Variants in KCTD8 observed in about 807,000 individuals in gnomAD.
The protein encoded by KCTD8 is potassium channel tetramerization domain containing 8, also known as BTB/POZ domain-containing protein KCTD8.
A neutral mutation model predicts 31.5 loss-of-function variants in KCTD8; 27 were observed. The observed-to-expected ratio is 0.86, with a 90% CI of 0.63 to 1.18. The LOEUF (loss-of-function observed/expected upper bound fraction) is 1.18, where lower values mean the gene tolerates loss of function less well. KCTD8 is among the 50% of genes most tolerant of loss of function. KCTD8 has a pLI of 0.00. For missense variants in KCTD8, 658 were observed against 647.7 expected (o/e 1.02, Z -0.17); for synonymous variants, 290 against 280.0 (o/e 1.04, Z -0.36).
At chr4:44,324,068 C>CAAAAAAAAAA (rs1193748312) in intron 1 of KCTD8, among the ~76,000 whole-genome samples, 1 of 128,250 alleles carries the variant, frequency 7.8e-6, no homozygotes, top group Admixed American at 7.3e-5. Flanking sequence ...CAAAACAAAA[C>CAAAAAAAAAA]AAAACAAAAA....
At chr4:44,345,965 A>T (rs1354599226) in intron 1 of KCTD8, among the ~76,000 whole-genome samples, 1 of 152,178 alleles carries the variant, frequency 6.6e-6, no homozygotes, top group African/African-American at 2.4e-5. Context: ...AAGAAATACA[A>T]GAAAAATTGA....
chr4:44,346,243 G>C (rs544829626), intron 1 of KCTD8, among the ~76,000 whole-genome samples: 1 of 152,194 alleles, frequency 6.6e-6, no homozygotes, highest in African/African-American at 2.4e-5. Flanking sequence ...AGGATCATAA[G>C]ATCATTCTGC....
chr4:44,217,331 A>G (rs1425578477), intron 1 of KCTD8, among the ~76,000 whole-genome samples: 1 of 152,224 alleles, frequency 6.6e-6, no homozygotes, highest in Non-Finnish European at 1.5e-5. Flanking sequence ...TTGACCCAAA[A>G]TTAAGGGTGG....
chr4:44,355,731 T>G (rs564343425), intron 1 of KCTD8, among the ~76,000 whole-genome samples: 42 of 152,262 alleles, frequency 2.8e-4, no homozygotes, highest in Non-Finnish European at 5.9e-4. Flanking sequence ...TGAAAATTAT[T>G]TGGTCTCTAT....
At chr4:44,187,731 G>A (rs1415304203) in intron 1 of KCTD8, among the ~76,000 whole-genome samples, 2 of 152,168 alleles carry the variant, frequency 1.3e-5, no homozygotes, top group African/African-American at 4.8e-5. Context: ...TTAATGAGAT[G>A]TTGTCTCTAC....
At chr4:44,274,105 C>T in intron 1 of KCTD8, among the ~76,000 whole-genome samples, 1 of 151,690 alleles carries the variant, frequency 6.6e-6, no homozygotes, top group Non-Finnish European at 1.5e-5. Flanking sequence ...GAACATTTGG[C>T]CAAATTTAGA....
intron 1 of KCTD8, among the ~76,000 whole-genome samples, chr4:44,393,964 T>C (rs980937533): frequency 6.6e-5 from 10 of 151,988 alleles, no homozygotes; most frequent in Admixed American, 1.3e-4. Context: ...TTACTTCAAA[T>C]TTGATAATCT....
intron 1 of KCTD8, among the ~76,000 whole-genome samples, chr4:44,431,076 G>T (rs1721491814): frequency 6.6e-6 from 1 of 151,400 alleles, no homozygotes; most frequent in African/African-American, 2.4e-5. Context: ...ACTTACAATA[G>T]CAATAAAAAC....
intron 1 of KCTD8, among the ~76,000 whole-genome samples, chr4:44,190,522 A>C (rs1379581322): frequency 6.6e-6 from 1 of 152,174 alleles, no homozygotes; most frequent in East Asian, 1.9e-4. Flanking sequence ...CTAAAGTACT[A>C]TATTTATAAC....
At chr4:44,441,186 T>C (rs934177493) in intron 1 of KCTD8, among the ~76,000 whole-genome samples, 15 of 152,068 alleles carry the variant, frequency 9.9e-5, no homozygotes, top group African/African-American at 3.6e-4. Context: ...ATTATTCTGA[T>C]CTTTAGGTAA....
At chr4:44,282,709 CT>C (rs768158429) in intron 1 of KCTD8, among the ~76,000 whole-genome samples, 2 of 152,106 alleles carry the variant, frequency 1.3e-5, no homozygotes, top group South Asian at 4.2e-4. Flanking sequence ...GAAAAAGAGC[CT>C]TATTTTTGAT....
At chr4:44,221,379 A>G (rs1228666758) in intron 1 of KCTD8, among the ~76,000 whole-genome samples, 1 of 151,532 alleles carries the variant, frequency 6.6e-6, no homozygotes, top group African/African-American at 2.4e-5. Context: ...GTTTAGGAGC[A>G]TCCAGTGGAC....
intron 1 of KCTD8, among the ~76,000 whole-genome samples, chr4:44,263,457 G>T (rs904112331): frequency 2.0e-5 from 3 of 152,092 alleles, no homozygotes; most frequent in Admixed American, 6.6e-5. Flanking sequence ...GTTTGCTGTT[G>T]CATTAAGCCT....
intron 1 of KCTD8, among the ~76,000 whole-genome samples, chr4:44,305,399 A>C (rs1717771934): frequency 6.6e-6 from 1 of 151,794 alleles, no homozygotes; most frequent in South Asian, 2.1e-4. Context: ...GATATTTTAA[A>C]AGTTTACTAG....
chr4:44,431,919 G>A (rs1721515619), intron 1 of KCTD8, among the ~76,000 whole-genome samples: 1 of 151,502 alleles, frequency 6.6e-6, no homozygotes, highest in South Asian at 2.1e-4. Flanking sequence ...TGTAATCTCT[G>A]GAATATAAGA....
At chr4:44,278,059 G>T (rs1478651801) in intron 1 of KCTD8, among the ~76,000 whole-genome samples, 2 of 152,062 alleles carry the variant, frequency 1.3e-5, no homozygotes, top group South Asian at 4.1e-4. Flanking sequence ...TTAGTCTTGA[G>T]TTCCTGACAC....
chr4:44,331,202 C>T (rs769872231), intron 1 of KCTD8, among the ~76,000 whole-genome samples: 4 of 151,814 alleles, frequency 2.6e-5, no homozygotes, highest in African/African-American at 4.8e-5. Context: ...TTGGCAACAG[C>T]TCTTTGATAA....
chr4:44,280,118 G>T (rs1053986518), intron 1 of KCTD8, among the ~76,000 whole-genome samples: 1 of 151,940 alleles, frequency 6.6e-6, no homozygotes, highest in East Asian at 1.9e-4. Context: ...ATTTATAGTA[G>T]AGAGAAAATG....
In KCTD8 at chr4:44,181,528, G is replaced by A. The variant is rs546175493; in HGVS notation, c.962-6278C>T. Among the ~76,000 whole-genome samples, 421 of 152,304 alleles carry A rather than the reference G, an allele frequency of 2.8e-3. 2 individuals carry two copies. The highest frequency in any genetic ancestry group is 9.7e-3 in the African/African-American group (404 of 41,574). On this transcript the variant is annotated intron_variant, in intron 1 of 1. Transcript: ENST00000360029. ...CCCCCGAGGCGCCGGGATTGCAGAC[G>A]GAGTCTCCTTCACTCAGTGCTCAAT...
Sources: allele counts gnomAD v4.1 joint callset (sites outside exome capture counted in the v4.1 genomes callset), GRCh38; gene constraint gnomAD v4.1.1; transcripts MANE v1.5; gene names NCBI Gene and HGNC (gene_info 2026-07-23, HGNC 2026-07-21).